The following USH2A variants were observed in gnomAD, a reference collection of about 807,000 sequenced individuals.
The protein encoded by USH2A is Usher syndrome 2A (autosomal recessive, mild).
USH2A carries 443 observed loss-of-function variants against 538.9 expected under a neutral mutation model. The observed-to-expected ratio is 0.82, with a 90% CI of 0.76 to 0.89. The LOEUF (loss-of-function observed/expected upper bound fraction) is 0.89. Ranked by LOEUF, USH2A falls within the 40% of genes least tolerant of loss-of-function variation. The pLI is 0.00. For missense variants in USH2A, 6,633 were observed against 6,324.8 expected, an observed-to-expected ratio of 1.05 and a Z score of -1.65; for synonymous variants, 2,413 against 2,273.5, an observed-to-expected ratio of 1.06 and a Z score of -1.75.
intron 38 of USH2A, among the ~76,000 whole-genome samples, chr1:215,927,395 TA>T (rs1666262257): frequency 1.3e-5 from 2 of 152,166 alleles, no homozygotes; most frequent in Admixed American, 1.3e-4. Flanking sequence ...GCTGGACTTA[TA>T]AATACTAAAT....
intron 40 of USH2A, among the ~76,000 whole-genome samples, chr1:215,897,737 G>A (rs934597137): frequency 2.0e-5 from 2 of 102,022 alleles, no homozygotes; most frequent in Admixed American, 8.9e-5. Context: ...GAAAGAAAGA[G>A]AGAGAAAGAG....
At chr1:216,071,959 G>A (rs2031571671) in intron 29 of USH2A, among the ~76,000 whole-genome samples, 1 of 152,144 alleles carries the variant, frequency 6.6e-6, no homozygotes, top group South Asian at 2.1e-4. Flanking sequence ...AGAGAGTCTT[G>A]AAAATTATTC....
At chr1:216,245,451 G>A (rs981710322) in intron 13 of USH2A, among the ~76,000 whole-genome samples, 1 of 149,796 alleles carries the variant, frequency 6.7e-6, no homozygotes, top group Non-Finnish European at 1.5e-5. Flanking sequence ...TAGAGAAAGA[G>A]AGAGGTAAAG....
At chr1:215,637,118 C>T (rs952661162) in intron 69 of USH2A, among the ~76,000 whole-genome samples, 2 of 152,076 alleles carry the variant, frequency 1.3e-5, no homozygotes, top group South Asian at 2.1e-4. Flanking sequence ...CAAAGAAAAC[C>T]GAAACCACAG....
At chr1:215,812,603 G>A (rs1022354317) in intron 49 of USH2A, among the ~76,000 whole-genome samples, 11 of 152,152 alleles carry the variant, frequency 7.2e-5, no homozygotes, top group African/African-American at 2.7e-4. Flanking sequence ...ATATCTCAAA[G>A]TATTCAGCTT....
At chr1:215,700,387 A>G (rs1658968404) in intron 61 of USH2A, among the ~76,000 whole-genome samples, 1 of 152,202 alleles carries the variant, frequency 6.6e-6, no homozygotes, top group Non-Finnish European at 1.5e-5. Flanking sequence ...AAATTGTACC[A>G]GCTCCTCTTT....
chr1:215,667,166 A>G (rs1430858711), intron 64 of USH2A, among the ~76,000 whole-genome samples: 2 of 152,094 alleles, frequency 1.3e-5, no homozygotes, highest in African/African-American at 2.4e-5. Context: ...ACAAGCTCTT[A>G]GGTCCTCCAC....
At chr1:216,235,998 T>C (rs1419875542) in intron 13 of USH2A, among the ~76,000 whole-genome samples, 1 of 152,146 alleles carries the variant, frequency 6.6e-6, no homozygotes, top group Non-Finnish European at 1.5e-5. Flanking sequence ...TCAGTATAGT[T>C]GATGATGGTA....
At chr1:216,027,502 G>C (rs376056807) in intron 32 of USH2A, among the ~76,000 whole-genome samples, 6 of 152,074 alleles carry the variant, frequency 3.9e-5, no homozygotes, top group African/African-American at 1.4e-4. Context: ...AGAAATATAC[G>C]TTATTATTTC....
chr1:215,867,276 C>T (rs931512316), intron 43 of USH2A, 106 bp from the exon 44 acceptor site: 1 of 1,250,002 alleles, frequency 8.0e-7, no homozygotes, highest in African/African-American at 1.5e-5. Flanking sequence ...CCTTCCACCC[C>T]TCTACAAAAT....
At chr1:216,378,817 C>G (rs1298232965) in intron 3 of USH2A, among the ~76,000 whole-genome samples, 1 of 152,034 alleles carries the variant, frequency 6.6e-6, no homozygotes, top group Non-Finnish European at 1.5e-5. Flanking sequence ...CTAGAAGACT[C>G]ATTTCTTTTG....
chr1:215,884,123 G>A (rs1664988341), intron 41 of USH2A, among the ~76,000 whole-genome samples: 1 of 151,988 alleles, frequency 6.6e-6, no homozygotes, highest in Admixed American at 6.6e-5. Context: ...ATGCATGCAG[G>A]GCTTAAAACC....
chr1:215,646,131 C>T (rs1484523983), intron 67 of USH2A, among the ~76,000 whole-genome samples: 1 of 151,964 alleles, frequency 6.6e-6, no homozygotes, highest in African/African-American at 2.4e-5. Flanking sequence ...ATTGATTATG[C>T]CAAAATATTA....
chr1:215,883,569 T>C (rs1335362943), intron 41 of USH2A, among the ~76,000 whole-genome samples: 2 of 152,138 alleles, frequency 1.3e-5, no homozygotes, highest in African/African-American at 4.8e-5. Flanking sequence ...AATTTATTTA[T>C]AATATGATAT....
chr1:215,803,816 A>G (rs1662411141), intron 49 of USH2A, among the ~76,000 whole-genome samples: 1 of 152,140 alleles, frequency 6.6e-6, no homozygotes, highest in East Asian at 1.9e-4. Flanking sequence ...AAAAGAGCCC[A>G]CACTGCCAAG....
chr1:216,287,312 T>C (rs2036904834), intron 11 of USH2A, among the ~76,000 whole-genome samples: 1 of 152,162 alleles, frequency 6.6e-6, no homozygotes, highest in South Asian at 2.1e-4. Flanking sequence ...ACTTAAAAAA[T>C]AACACTATCT....
At chr1:216,321,324 T>C (rs2037605117) in intron 9 of USH2A, among the ~76,000 whole-genome samples, 1 of 152,160 alleles carries the variant, frequency 6.6e-6, no homozygotes, top group South Asian at 2.1e-4. Flanking sequence ...AAGATGAAGC[T>C]AAAATTCCAC....
intron 21 of USH2A, among the ~76,000 whole-genome samples, chr1:216,102,418 T>A (rs1452174048): frequency 6.6e-6 from 1 of 150,500 alleles, no homozygotes; most frequent in East Asian, 1.9e-4. Flanking sequence ...ATTTATAATA[T>A]ATAATGTAAT....
intron 9 of USH2A, among the ~76,000 whole-genome samples, chr1:216,320,518 T>G (rs946861187): frequency 1.3e-5 from 2 of 152,180 alleles, no homozygotes; most frequent in Non-Finnish European, 2.9e-5. Context: ...AAATTTAATT[T>G]TAGTAGAGGT....
Sources: allele counts gnomAD v4.1 joint callset (sites outside exome capture counted in the v4.1 genomes callset), GRCh38; gene constraint gnomAD v4.1.1; transcripts MANE v1.5; gene names NCBI Gene and HGNC (gene_info 2026-07-23, HGNC 2026-07-21).